Variants in PRKG1 observed in about 807,000 individuals in gnomAD.
The protein encoded by PRKG1 is protein kinase cGMP-dependent 1.
A neutral mutation model predicts 88.1 loss-of-function variants in PRKG1; 35 were observed. That is an observed-to-expected ratio of 0.40 (90% CI 0.30 to 0.53). The LOEUF (loss-of-function observed/expected upper bound fraction) is 0.53. PRKG1 is among the 20% of genes least tolerant of loss of function. The probability of loss-of-function intolerance (pLI) is 0.59; values close to 1 mark genes in which losing one functional copy is unlikely to be tolerated. For synonymous variants in PRKG1, 303 were observed against 292.5 expected (o/e 1.04, Z -0.37); for missense variants, 540 against 839.8 (o/e 0.64, Z 4.41).
chr10:51,666,223 G>A (rs1231974462), intron 3 of PRKG1, among the ~76,000 whole-genome samples: 1 of 152,116 alleles, frequency 6.6e-6, no homozygotes, highest in Admixed American at 6.6e-5. Context: ...CATTGCTAGG[G>A]CACAATCTCT....
At chr10:51,688,771 A>C (rs1257918441) in intron 3 of PRKG1, among the ~76,000 whole-genome samples, 2 of 152,146 alleles carry the variant, frequency 1.3e-5, no homozygotes, top group Non-Finnish European at 2.9e-5. Flanking sequence ...TTTCACACTC[A>C]TGCTAATATC....
At chr10:51,078,765 A>G (rs910409674) in intron 1 of PRKG1, among the ~76,000 whole-genome samples, 16 of 151,670 alleles carry the variant, frequency 1.1e-4, no homozygotes, top group African/African-American at 3.9e-4. Flanking sequence ...TACAGGCGCC[A>G]GCCACCACGC....
At chr10:51,907,192 C>T (rs1842104069) in intron 4 of PRKG1, among the ~76,000 whole-genome samples, 2 of 152,044 alleles carry the variant, frequency 1.3e-5, no homozygotes, top group Admixed American at 6.5e-5. Flanking sequence ...ATTTTATATT[C>T]GGTTTACATA....
At chr10:52,226,816 T>C (rs1436750780) in intron 9 of PRKG1, among the ~76,000 whole-genome samples, 1 of 152,118 alleles carries the variant, frequency 6.6e-6, no homozygotes, top group East Asian at 1.9e-4. Context: ...ATGGAAAACT[T>C]TTGTGAATAG....
At position 51,417,859 on chromosome 10, in the gene PRKG1, A is replaced by T. The variant is rs138429776; in HGVS notation, c.479-49864A>T. On this transcript the variant is annotated intron_variant, in intron 2 of 17. Coordinates refer to ENST00000373980, the MANE Select transcript of PRKG1 (RefSeq NM_006258.4). Reference sequence around the variant, plus strand: ...TAACTATCCTGTATCTCTTGGTTGGATGAGACTTGGAAAATATTAGCCATT... The same window carrying T: ...TAACTATCCTGTATCTCTTGGTTGGTTGAGACTTGGAAAATATTAGCCATT... Among the ~76,000 whole-genome samples, 874 of 152,286 alleles carry T rather than the reference A, an allele frequency of 5.7e-3. 8 individuals are homozygous for T. Among genetic ancestry groups the T allele is most frequent in the Middle Eastern group, 0.017 (5 of 294 alleles).
At chr10:51,943,658 C>A (rs1002027468) in intron 5 of PRKG1, among the ~76,000 whole-genome samples, 4 of 152,044 alleles carry the variant, frequency 2.6e-5, no homozygotes, top group Admixed American at 2.0e-4. Context: ...GAGTTTTTAG[C>A]ATGAAGGGCT....
intron 2 of PRKG1, among the ~76,000 whole-genome samples, chr10:51,333,077 G>A (rs1227605509): frequency 6.6e-6 from 1 of 152,180 alleles, no homozygotes; most frequent in Non-Finnish European, 1.5e-5. Flanking sequence ...GGACATCATG[G>A]TCTTAACTGA....
chr10:51,598,755 G>GA (rs1256183785), intron 3 of PRKG1, among the ~76,000 whole-genome samples: 4 of 152,142 alleles, frequency 2.6e-5, no homozygotes, highest in African/African-American at 9.7e-5. Flanking sequence ...GATTGATTGA[G>GA]AAAAAATGTG....
chr10:52,061,160 G>C (rs1183917857), intron 6 of PRKG1, among the ~76,000 whole-genome samples: 1 of 151,930 alleles, frequency 6.6e-6, no homozygotes, highest in Non-Finnish European at 1.5e-5. Context: ...CAGAGACACA[G>C]CTTAGTGGTA....
At chr10:51,549,103 T>C (rs1479676151) in intron 3 of PRKG1, among the ~76,000 whole-genome samples, 1 of 140,928 alleles carries the variant, frequency 7.1e-6, no homozygotes, top group Admixed American at 7.3e-5. Context: ...CCTTCTTTCC[T>C]TTCTTTCTTT....
chr10:52,187,758 C>T (rs1386215554), intron 9 of PRKG1, among the ~76,000 whole-genome samples: 5 of 152,178 alleles, frequency 3.3e-5, no homozygotes, highest in African/African-American at 7.2e-5. Context: ...GAGCCAAACA[C>T]TGGTCAATCT....
At chr10:51,289,401 A>T (rs1027726007) in intron 2 of PRKG1, among the ~76,000 whole-genome samples, 7 of 152,178 alleles carry the variant, frequency 4.6e-5, no homozygotes, top group Non-Finnish European at 7.3e-5. Flanking sequence ...GTCACTGCTG[A>T]TGCTTCCCAG....
intron 1 of PRKG1, among the ~76,000 whole-genome samples, chr10:51,090,113 T>C (rs1302269094): frequency 1.3e-5 from 2 of 152,198 alleles, no homozygotes; most frequent in African/African-American, 2.4e-5. Context: ...TAAATGAGGA[T>C]TATAACATTT....
At chr10:51,712,349 A>G (rs1449613833) in intron 3 of PRKG1, among the ~76,000 whole-genome samples, 1 of 152,172 alleles carries the variant, frequency 6.6e-6, no homozygotes, top group African/African-American at 2.4e-5. Flanking sequence ...CCAGAAAGAA[A>G]GGTCCAGAGA....
intron 3 of PRKG1, among the ~76,000 whole-genome samples, chr10:51,768,635 T>G (rs1341694142): frequency 6.6e-6 from 1 of 152,132 alleles, no homozygotes; most frequent in Non-Finnish European, 1.5e-5. Context: ...TTGGGATTTT[T>G]TTACCCCCAT....
At chr10:52,011,846 G>C (rs1269839994) in intron 5 of PRKG1, among the ~76,000 whole-genome samples, 1 of 152,112 alleles carries the variant, frequency 6.6e-6, no homozygotes, top group Non-Finnish European at 1.5e-5. Context: ...GTCTTATGCT[G>C]TTCTCGTGAT....
At chr10:51,846,169 A>G (rs1840392974) in intron 4 of PRKG1, among the ~76,000 whole-genome samples, 1 of 152,168 alleles carries the variant, frequency 6.6e-6, no homozygotes, top group Non-Finnish European at 1.5e-5. Context: ...GTTCATAGAA[A>G]CAACCATACC....
intron 3 of PRKG1, among the ~76,000 whole-genome samples, chr10:51,589,258 T>A (rs564479363): frequency 6.6e-6 from 1 of 152,242 alleles, no homozygotes; most frequent in East Asian, 1.9e-4. Context: ...AAACCTGCCA[T>A]GTGTGTAAGG....
At chr10:52,161,565 C>T (rs77823497) in intron 8 of PRKG1, among the ~76,000 whole-genome samples, 7,422 of 152,066 alleles carry the variant, frequency 0.049, 499 homozygotes, top group African/African-American at 0.16. Flanking sequence ...GACTGATTAA[C>T]TTTGTGGTGT....
Sources: gnomAD v4.1 joint callset for allele counts (sites outside exome capture counted in the v4.1 genomes callset) on GRCh38, gnomAD v4.1.1 for gene constraint, MANE v1.5 for transcripts, NCBI Gene and HGNC (gene_info 2026-07-23, HGNC 2026-07-21) for gene names.